The following AGBL4 variants were observed in gnomAD, a reference collection of about 807,000 sequenced individuals.
AGBL4 encodes cytosolic carboxypeptidase 6.
A neutral mutation model predicts 66.4 loss-of-function variants in AGBL4; 58 were observed. The ratio of observed to expected loss-of-function variants is 0.87; its 90% CI spans 0.71 to 1.09. The LOEUF (loss-of-function observed/expected upper bound fraction) is 1.09. Ranked by LOEUF, AGBL4 falls within the 50% of genes least tolerant of loss-of-function variation. The pLI is 0.00. For synonymous variants in AGBL4, 234 were observed against 222.9 expected, an observed-to-expected ratio of 1.05 and a Z score of -0.44; for missense variants, 579 against 631.0, an observed-to-expected ratio of 0.92 and a Z score of 0.88.
chr1:49,747,641 A>G (rs1293141934), intron 2 of AGBL4, among the ~76,000 whole-genome samples: 2 of 152,216 alleles, frequency 1.3e-5, no homozygotes, highest in South Asian at 2.1e-4. Context: ...AAAATTTTTC[A>G]TCTCTTTGTC....
intron 1 of AGBL4, among the ~76,000 whole-genome samples, chr1:49,944,314 C>T (rs1655023209): frequency 6.6e-6 from 1 of 152,148 alleles, no homozygotes; most frequent in Admixed American, 6.6e-5. Flanking sequence ...ATCCTGTCAT[C>T]TTCACCAGAG....
chr1:49,282,080 G>A (rs1370666213), intron 3 of AGBL4, among the ~76,000 whole-genome samples: 1 of 152,176 alleles, frequency 6.6e-6, no homozygotes, highest in East Asian at 1.9e-4. Context: ...CAGGTAGATA[G>A]TCAGAATTGA....
chr1:48,623,575 C>T (rs1490381965), intron 9 of AGBL4, among the ~76,000 whole-genome samples: 1 of 152,182 alleles, frequency 6.6e-6, no homozygotes, highest in Non-Finnish European at 1.5e-5. Flanking sequence ...TGGCTAAGGC[C>T]GATTTCTGAA....
chr1:49,043,227 T>C (rs968776311), intron 5 of AGBL4, among the ~76,000 whole-genome samples: 1 of 152,192 alleles, frequency 6.6e-6, no homozygotes, highest in Non-Finnish European at 1.5e-5. Flanking sequence ...TATATCTTTT[T>C]ATTTTCCCTG....
chr1:48,636,070 A>G lies in AGBL4; in HGVS notation c.840-1466T>C, dbSNP rs541686850. ...TGTTTTCAGTGCTGCACTATTTTCA[A>G]AATGAACTGATGAATACTATAATCC... On this transcript the variant is annotated intron_variant, in intron 8 of 13. Coordinates refer to ENST00000371839, the MANE Select transcript of AGBL4 (RefSeq NM_032785.4). Among the ~76,000 whole-genome samples the G allele has an allele frequency of 1.4e-4, 21 of 152,348 alleles. No individual in the cohort carries two copies. The South Asian group carries it at 2.9e-3, about 21-fold the overall frequency.
At chr1:48,877,661 C>T (rs2148837632) in intron 5 of AGBL4, among the ~76,000 whole-genome samples, 1 of 152,188 alleles carries the variant, frequency 6.6e-6, no homozygotes, top group East Asian at 1.9e-4. Flanking sequence ...TCATGACTCA[C>T]AATTCATATC....
intron 4 of AGBL4, among the ~76,000 whole-genome samples, chr1:49,128,399 C>T (rs1055224123): frequency 6.6e-6 from 1 of 151,896 alleles, no homozygotes; most frequent in Non-Finnish European, 1.5e-5. Flanking sequence ...ACTAGAATAG[C>T]TACAACTATT....
intron 3 of AGBL4, among the ~76,000 whole-genome samples, chr1:49,442,378 G>T (rs1646054273): frequency 6.6e-6 from 1 of 152,148 alleles, no homozygotes; most frequent in Admixed American, 6.5e-5. Flanking sequence ...AAACATATAG[G>T]TATTTACAAG....
intron 3 of AGBL4, among the ~76,000 whole-genome samples, chr1:49,490,604 A>C (rs540698112): frequency 1.3e-4 from 20 of 151,922 alleles, no homozygotes; most frequent in Non-Finnish European, 2.4e-4. Flanking sequence ...GTCAGAGAAC[A>C]TAAAAGCCAA....
chr1:49,937,041 T>A (rs1654137721), intron 1 of AGBL4, among the ~76,000 whole-genome samples: 3 of 152,156 alleles, frequency 2.0e-5, no homozygotes, highest in Non-Finnish European at 2.9e-5. Context: ...AGACACAGAC[T>A]GGCAAATTGA....
At chr1:48,925,681 T>TG (rs1460357994) in intron 5 of AGBL4, among the ~76,000 whole-genome samples, 1 of 152,208 alleles carries the variant, frequency 6.6e-6, no homozygotes, top group Non-Finnish European at 1.5e-5. Context: ...TTGATACAGA[T>TG]GCAATTCTTT....
intron 4 of AGBL4, among the ~76,000 whole-genome samples, chr1:49,190,666 A>G (rs1647100771): frequency 6.6e-6 from 1 of 152,160 alleles, no homozygotes; most frequent in Non-Finnish European, 1.5e-5. Flanking sequence ...TAAAACAATA[A>G]TATGATTATA....
At chr1:49,923,850 T>C (rs902182566) in intron 1 of AGBL4, among the ~76,000 whole-genome samples, 4 of 152,140 alleles carry the variant, frequency 2.6e-5, no homozygotes, top group Non-Finnish European at 5.9e-5. Context: ...AAAAAAAGAA[T>C]GATTCTACAA....
intron 2 of AGBL4, among the ~76,000 whole-genome samples, chr1:49,737,207 C>T (rs998991775): frequency 6.6e-6 from 1 of 152,098 alleles, no homozygotes. Flanking sequence ...CGAAATAAAT[C>T]ATTCTACCAA....
chr1:49,609,430 G>A (rs1431931499), intron 3 of AGBL4, among the ~76,000 whole-genome samples: 1 of 152,092 alleles, frequency 6.6e-6, no homozygotes, highest in East Asian at 1.9e-4. Flanking sequence ...TGGCTTATCA[G>A]TCTCTTAAAA....
intron 3 of AGBL4, among the ~76,000 whole-genome samples, chr1:49,363,602 G>C (rs970245393): frequency 6.6e-6 from 1 of 152,108 alleles, no homozygotes; most frequent in East Asian, 1.9e-4. Flanking sequence ...GGGGAGTTAC[G>C]GGTATATGTG....
intron 1 of AGBL4, among the ~76,000 whole-genome samples, chr1:49,862,633 C>T (rs568885884): frequency 6.6e-6 from 1 of 152,168 alleles, no homozygotes; most frequent in South Asian, 2.1e-4. Flanking sequence ...AGAAAGGACC[C>T]TAAAAGCAGC....
At chr1:49,082,867 C>T (rs1013940256) in intron 4 of AGBL4, among the ~76,000 whole-genome samples, 5 of 152,208 alleles carry the variant, frequency 3.3e-5, no homozygotes, top group African/African-American at 1.2e-4. Flanking sequence ...TAGTTACTTC[C>T]TAGATACAAT....
chr1:49,800,723 C>G (rs1007207640), intron 2 of AGBL4, among the ~76,000 whole-genome samples: 1 of 101,304 alleles, frequency 9.9e-6, no homozygotes, highest in African/African-American at 3.8e-5. Flanking sequence ...GCATAGTATT[C>G]CATGGTGTAT....
Sources: gnomAD v4.1 joint callset for allele counts (sites outside exome capture counted in the v4.1 genomes callset) on GRCh38, gnomAD v4.1.1 for gene constraint, MANE v1.5 for transcripts, NCBI Gene and HGNC (gene_info 2026-07-23, HGNC 2026-07-21) for gene names.